The following FRY variants were observed in gnomAD, a reference collection of about 807,000 sequenced individuals.
FRY encodes the protein protein furry homolog.
Under a neutral mutation model 348.4 loss-of-function variants are expected in FRY, and 128 were observed. The observed-to-expected ratio is 0.37, with a 90% CI of 0.32 to 0.43. The LOEUF is 0.43. Among genes scored for constraint, FRY ranks in the 20% least tolerant of loss-of-function variants. The pLI is 1.00. For synonymous variants in FRY, 1,370 were observed against 1,374.7 expected (o/e 1.00, Z 0.08); for missense variants, 2,736 against 3,695.2 (o/e 0.74, Z 6.73).
chr13:32,152,534 G>A (rs1880861970), intron 14 of FRY, among the ~76,000 whole-genome samples: 2 of 152,122 alleles, frequency 1.3e-5, no homozygotes, highest in South Asian at 4.1e-4. Flanking sequence ...ATGGATAGAA[G>A]ATAATGTTTC....
intron 16 of FRY, among the ~76,000 whole-genome samples, chr13:32,159,794 T>A (rs545492382): frequency 6.6e-6 from 1 of 152,326 alleles, no homozygotes; most frequent in South Asian, 2.1e-4. Context: ...CTACTCACTG[T>A]GTTACAAATG....
chr13:32,279,103 T>C (rs983662944), intron 58 of FRY, among the ~76,000 whole-genome samples: 2 of 152,228 alleles, frequency 1.3e-5, no homozygotes, highest in African/African-American at 4.8e-5. Flanking sequence ...ACAAGGCCTC[T>C]GCTCTTGTGG....
rs531586495 is a variant in FRY at position 32,244,025 on chromosome 13, G to A, written c.6688-17G>A. On this transcript the variant is annotated splice_polypyrimidine_tract_variant and intron_variant, in intron 46 of 60. Transcript: ENST00000542859. ...ATCTGGTGTGTGACTGACTCCAGCC[G>A]CACTTTGCCCCCACAGCTGCTGGAG... The A allele has an allele frequency of 1.9e-6, 3 of 1,612,548 alleles. No individual in the cohort carries two copies. Among genetic ancestry groups the A allele is most frequent in the East Asian group, 2.2e-5 (1 of 44,874 alleles).
At chr13:32,179,146 A>C in intron 22 of FRY, 113 bp downstream of exon 22, 1 of 761,014 alleles carries the variant, frequency 1.3e-6, no homozygotes, top group African/African-American at 1.8e-5. Context: ...TTATGGGATC[A>C]GATTTTCATC....
At chr13:32,062,019 T>C (rs1294597747) in intron 1 of FRY, among the ~76,000 whole-genome samples, 1 of 152,102 alleles carries the variant, frequency 6.6e-6, no homozygotes, top group Non-Finnish European at 1.5e-5. Context: ...ATTTGGGAGA[T>C]TGAGTTGCTT....
chr13:32,241,225 T>C (rs977605261), intron 46 of FRY, among the ~76,000 whole-genome samples: 9 of 152,134 alleles, frequency 5.9e-5, no homozygotes, highest in African/African-American at 2.2e-4. Flanking sequence ...TAAGGTGAAG[T>C]GTAGATAGCA....
At chr13:32,054,920 C>T (rs977912229) in intron 1 of FRY, among the ~76,000 whole-genome samples, 4 of 152,042 alleles carry the variant, frequency 2.6e-5, no homozygotes, top group African/African-American at 4.8e-5. Context: ...GATAAGAAAC[C>T]AATGAAGCAC....
At chr13:32,294,189 A>C (rs1449561253) in intron 59 of FRY, among the ~76,000 whole-genome samples, 179 bp from the exon 60 acceptor site, 6 of 152,176 alleles carry the variant, frequency 3.9e-5, no homozygotes, top group African/African-American at 1.4e-4. Context: ...TACTCAATGC[A>C]TCCAACTCCA....
rs1880527184 is a variant in FRY at position 32,147,462 on chromosome 13, C to T, written c.1283+77C>T. On this transcript the variant is annotated intron_variant, in intron 12 of 60. Coordinates refer to ENST00000542859, the MANE Select transcript of FRY (RefSeq NM_023037.3). Reference sequence around the variant, plus strand: ...GGTGTTTCTTTTATTACTACCTATGCTAACTCAACTAGAAGCTATTCAAAG... The same window carrying T: ...GGTGTTTCTTTTATTACTACCTATGTTAACTCAACTAGAAGCTATTCAAAG... 7.6e-6 allele frequency: 6 copies of T among 794,198 alleles called. No homozygotes were observed. In the South Asian group the frequency reaches 8.6e-5, roughly 11 times the overall value. The allele number at this position is 794,198 out of a possible 1,614,324, so 49.2% of individuals were successfully genotyped here. A position where few individuals can be genotyped will look rare whatever the true frequency, so the allele number is the denominator to read the frequency against.
Position 32,079,019 on chromosome 13 carries a change from A to G in FRY, c.256A>G (p.Met86Val). 1 of 1,612,630 alleles carries G rather than the reference A, an allele frequency of 6.2e-7. No individual in the cohort carries two copies. Among genetic ancestry groups the G allele is most frequent in the Non-Finnish European group, 8.5e-7 (1 of 1,178,614 alleles). The change falls in exon 2 of 61, where the codon ATG (methionine) becomes GTG (valine). Residue 86 changes from methionine to valine, a missense_variant. Transcript: ENST00000542859. ...GGCTGAACGCAAGATTCGTATCATT[A>G]TGGCAGAGCCCCTGGTGAGTACATG... is the stretch of plus-strand genomic sequence containing the variant. ...TQAERKIRII[M>V]AEPLEKPLTK... is the part of the protein sequence containing the mutation.
chr13:32,283,164 CA>C (rs1888896975), intron 58 of FRY, among the ~76,000 whole-genome samples: 1 of 150,978 alleles, frequency 6.6e-6, no homozygotes, highest in Non-Finnish European at 1.5e-5. Flanking sequence ...AAAACAACAA[CA>C]ACGAAAAAAA....
rs564593992 is a variant in FRY, at chr13:32,204,701, C to A, written c.4018+2174C>A. On this transcript the variant is annotated intron_variant, in intron 31 of 60. Transcript: ENST00000542859. ...ATACCTGAGGCAGAGTTAGTCACTT[C>A]TTTGTGTAATACCAGAAACAGTGGA... Among the ~76,000 whole-genome samples, 56 of 152,326 alleles carry A rather than the reference C, an allele frequency of 3.7e-4. 1 individual carries two copies. The South Asian group carries it at 9.1e-3, about 25-fold the overall frequency.
At chr13:32,218,287 A>G (rs1247255870) in intron 35 of FRY, among the ~76,000 whole-genome samples, 1 of 152,172 alleles carries the variant, frequency 6.6e-6, no homozygotes, top group Non-Finnish European at 1.5e-5. Context: ...AGGAAACAAG[A>G]AATGTTTGGG....
intron 3 of FRY, among the ~76,000 whole-genome samples, chr13:32,113,332 CTGAG>C (rs1878088268): frequency 6.6e-6 from 1 of 152,186 alleles, no homozygotes; most frequent in African/African-American, 2.4e-5. Flanking sequence ...AATGACTCCA[CTGAG>C]TAATTATTCA....
At chr13:32,176,054 A>T (rs1882340340) in intron 20 of FRY, among the ~76,000 whole-genome samples, 1 of 152,184 alleles carries the variant, frequency 6.6e-6, no homozygotes, top group South Asian at 2.1e-4. Flanking sequence ...GAAACTCAAA[A>T]ATGTTAAGGG....
intron 1 of FRY, among the ~76,000 whole-genome samples, chr13:32,068,592 A>G (rs1319076899): frequency 6.6e-6 from 1 of 152,234 alleles, no homozygotes; most frequent in Non-Finnish European, 1.5e-5. Flanking sequence ...TATCTCTCAG[A>G]TAAAATACTG....
chr13:32,048,291 T>G (rs1003671478), intron 1 of FRY, among the ~76,000 whole-genome samples: 2 of 152,202 alleles, frequency 1.3e-5, no homozygotes, highest in Non-Finnish European at 2.9e-5. Context: ...TCTTTCTATC[T>G]TTTATTCCAA....
At chr13:32,042,318 A>G (rs1329979092) in intron 1 of FRY, among the ~76,000 whole-genome samples, 2 of 152,240 alleles carry the variant, frequency 1.3e-5, no homozygotes, top group Admixed American at 6.5e-5. Flanking sequence ...ACTAATCAGA[A>G]TTCAGTAACA....
At position 32,200,191 on chromosome 13, in the gene FRY, A is replaced by G. The variant is rs1020689023; in HGVS notation, c.3747-1750A>G. Among the ~76,000 whole-genome samples, 17 of 152,286 alleles carry G rather than the reference A, an allele frequency of 1.1e-4. No individual in the cohort carries two copies. The South Asian group carries it at 2.9e-3, about 26-fold the overall frequency. ...CACTACTTAAAGGCCCCCGTTCTCA[A>G]TACTGCCACAATGGGGATTAAATTT... On this transcript the variant is annotated intron_variant, in intron 29 of 60. Coordinates refer to ENST00000542859, the MANE Select transcript of FRY (RefSeq NM_023037.3).
Sources: gnomAD v4.1 joint callset for allele counts (sites outside exome capture counted in the v4.1 genomes callset) on GRCh38, gnomAD v4.1.1 for gene constraint, MANE v1.5 for transcripts, NCBI Gene and HGNC (gene_info 2026-07-23, HGNC 2026-07-21) for gene names.